Variants in BEGAIN observed in about 807,000 individuals in gnomAD.
The protein encoded by BEGAIN is brain enriched guanylate kinase associated.
A neutral mutation model predicts 35.8 loss-of-function variants in BEGAIN; 19 were observed. The ratio of observed to expected loss-of-function variants is 0.53; its 90% CI spans 0.37 to 0.78. The LOEUF (loss-of-function observed/expected upper bound fraction) is 0.78. Ranked by LOEUF, BEGAIN falls within the 30% of genes least tolerant of loss-of-function variation. The pLI, the probability that BEGAIN is intolerant of heterozygous loss-of-function variation, is 0.00. For synonymous variants in BEGAIN, 462 were observed against 388.6 expected (o/e 1.19, Z -2.22); for missense variants, 795 against 853.6 (o/e 0.93, Z 0.85).
In BEGAIN at chr14:100,538,073, C is replaced by T. The variant is rs1204797288; in HGVS notation, c.1735G>A (p.Ala579Thr). The T allele has an allele frequency of 1.3e-6, 2 of 1,592,258 alleles. No homozygotes were observed. Among genetic ancestry groups the T allele is most frequent in the African/African-American group, 1.3e-5 (1 of 74,188 alleles). ...AAGGCCTGCTGGGGGCTGAGGCGGGCGGCAGGATGCATTTCCGGGGAGGCC... is the reference window on the plus strand; with the variant it reads ...AAGGCCTGCTGGGGGCTGAGGCGGGTGGCAGGATGCATTTCCGGGGAGGCC... ...MEASPEMHPA[A>T]RLSPQQAFPR... Residue 579 changes from alanine (A) to threonine (T), a missense_variant, in exon 7 of 7, where the codon GCC (alanine) becomes ACC (threonine). Physicochemically the swap from Ala to Thr is moderately conservative, Grantham distance 58. Around this residue, in one of 3 missense-constraint regions of BEGAIN, gnomAD observed 664 missense variants for 647.7 expected, o/e 1.03. Coordinates refer to ENST00000554140, the MANE Select transcript of BEGAIN (RefSeq NM_001385089.1).
At chr14:100,560,216 C>G (rs757426038) in intron 2 of BEGAIN, among the ~76,000 whole-genome samples, 31 of 152,216 alleles carry the variant, frequency 2.0e-4, no homozygotes, top group Non-Finnish European at 4.0e-4. Flanking sequence ...GGGGCAGAAG[C>G]CCCAGCCAGC....
chr14:100,554,736 T>G (rs1438472884), intron 2 of BEGAIN, among the ~76,000 whole-genome samples: 1 of 152,104 alleles, frequency 6.6e-6, no homozygotes, highest in Admixed American at 6.5e-5. Flanking sequence ...TCCCCCCAGA[T>G]GGCTCATTTC....
rs550883000 is a variant in BEGAIN at position 100,567,204 on chromosome 14, C to A, written c.71+707G>T. Among the ~76,000 whole-genome samples the A allele has an allele frequency of 6.6e-6, 1 of 152,196 alleles. No individual in the cohort carries two copies. The highest frequency in any genetic ancestry group is 1.5e-5 in the Non-Finnish European group (1 of 68,018). On this transcript the variant is annotated intron_variant, in intron 2 of 6. Transcript: ENST00000554140. The surrounding 1 kb of genome is among the most constrained non-coding windows in gnomAD (Gnocchi z 5.1). The stretch of plus-strand genomic sequence containing the variant: ...GGAGGGGTGTTCCCAAAGTAGGGGT[C>A]AGGGTGCCAGGGGAAGTCGTGGAGG...
chr14:100,538,039 G>T lies in BEGAIN; in HGVS notation c.1769C>A (p.Thr590Asn). 1.2e-6 allele frequency: 2 copies of T among 1,608,466 alleles called. No individual in the cohort carries two copies. Among genetic ancestry groups the T allele is most frequent in the Non-Finnish European group, 8.5e-7 (1 of 1,178,406 alleles). ...RLSPQQAFPR[T>N]GGSGLSRKDS... ...CTTGCGGCTCAGCCCCGAGCCACCA[G>T]TCCGCGGAAAGGCCTGCTGGGGGCT... Residue 590 changes from threonine (T) to asparagine (N), a missense_variant, in exon 7 of 7, where the codon ACT becomes AAT. Thr to Asn is a moderately conservative substitution (Grantham distance 65, BLOSUM62 0). This residue lies in a region of BEGAIN where 664 missense variants were observed against 647.7 expected (regional missense o/e 1.03). Coordinates refer to ENST00000554140, the MANE Select transcript of BEGAIN (RefSeq NM_001385089.1).
intron 2 of BEGAIN, among the ~76,000 whole-genome samples, chr14:100,562,453 G>A (rs139772392): frequency 4.7e-4 from 71 of 152,146 alleles, no homozygotes; most frequent in African/African-American, 1.7e-3. Context: ...CCTCAAACCC[G>A]CTCCTCCCCC....
intron 5 of BEGAIN, among the ~76,000 whole-genome samples, chr14:100,542,379 C>T (rs2031757480): frequency 6.6e-6 from 1 of 152,258 alleles, no homozygotes; most frequent in Non-Finnish European, 1.5e-5. Flanking sequence ...CCCAGGCATC[C>T]TTGCTGGTCC....
At chr14:100,570,495 T>C (rs113100039) in intron 1 of BEGAIN, among the ~76,000 whole-genome samples, 5,977 of 151,868 alleles carry the variant, frequency 0.039, 389 homozygotes, top group African/African-American at 0.14. Context: ...GTATCCTCCA[T>C]GCGGCCCTCT....
Position 100,545,086 on chromosome 14 carries a change from G to A in BEGAIN, c.234-20C>T. 1 of 1,612,880 alleles carries A rather than the reference G, an allele frequency of 6.2e-7. No homozygotes were observed. The highest frequency in any genetic ancestry group is 8.5e-7 in the Non-Finnish European group (1 of 1,179,972). ...TGAATCCTGGTGCAGGAGGCAAGGG[G>A]GTCACTGCCATGCAAGGCCTGTCCC... On this transcript the variant is annotated intron_variant, in intron 3 of 6. Coordinates refer to ENST00000554140, the MANE Select transcript of BEGAIN (RefSeq NM_001385089.1).
At chr14:100,545,863 C>T (rs117247320) in intron 3 of BEGAIN, among the ~76,000 whole-genome samples, 1,784 of 152,192 alleles carry the variant, frequency 0.012, 26 homozygotes, top group Middle Eastern at 0.027. Flanking sequence ...CAACACCAGC[C>T]GATTCTCTAC....
intron 2 of BEGAIN, among the ~76,000 whole-genome samples, chr14:100,557,062 G>C (rs2033801342): frequency 7.9e-6 from 1 of 126,884 alleles, no homozygotes. Context: ...GGCTCTGCCG[G>C]CCTCTTCCAG....
intron 1 of BEGAIN, among the ~76,000 whole-genome samples, chr14:100,571,610 G>C (rs1226143565): frequency 6.6e-6 from 1 of 152,190 alleles, no homozygotes; most frequent in Non-Finnish European, 1.5e-5. Context: ...TGGCACCCGG[G>C]CACAGAGACT....
chr14:100,576,320 G>T (rs930392392), intron 1 of BEGAIN, among the ~76,000 whole-genome samples: 9 of 152,304 alleles, frequency 5.9e-5, no homozygotes, highest in African/African-American at 2.2e-4. Flanking sequence ...GGAGGGCAAA[G>T]TGCCTGGGCC....
intron 3 of BEGAIN, 115 bp downstream of exon 3, chr14:100,546,385 GC>G (rs1178424280): frequency 1.0e-4 from 2 of 19,912 alleles, no homozygotes; most frequent in African/African-American, 5.1e-4. Flanking sequence ...CCCGGCCCTC[GC>G]CCCGCCCCGG....
chr14:100,577,600 G>A (rs966031404), intron 1 of BEGAIN: 3 of 398,976 alleles, frequency 7.5e-6, no homozygotes, highest in African/African-American at 4.1e-5. Context: ...AACCCGCACA[G>A]TGACCTCATC....
At chr14:100,546,789 C>CACACAA in intron 2 of BEGAIN, 127 bp from the exon 3 acceptor site, 1 of 584,638 alleles carries the variant, frequency 1.7e-6, no homozygotes, top group Non-Finnish European at 2.6e-6. Context: ...CGCACACACA[C>CACACAA]ACACACACAC....
At chr14:100,561,145 G>T (rs1746907986) in intron 2 of BEGAIN, among the ~76,000 whole-genome samples, 1 of 152,176 alleles carries the variant, frequency 6.6e-6, no homozygotes, top group Non-Finnish European at 1.5e-5. Context: ...ACCATCGACG[G>T]CCCCTGGGGA....
Position 100,537,651 on chromosome 14 carries a change from C to T in BEGAIN, c.*318G>A, listed in dbSNP as rs1050000522. On this transcript the variant is annotated 3_prime_UTR_variant, in exon 7 of 7. Coordinates refer to ENST00000554140, the MANE Select transcript of BEGAIN (RefSeq NM_001385089.1). ...CGTCCAGGGAGCTGGAGGCCAAGTG[C>T]GTTAAGAAAGACCCTTTTTCTCTAT... 5 of 325,036 alleles carry T rather than the reference C, an allele frequency of 1.5e-5. No individual in the cohort carries two copies. The highest frequency in any genetic ancestry group is 1.1e-5 in the Non-Finnish European group (2 of 177,844). The allele number at this position is 325,036 out of a possible 1,614,324, so 20.1% of individuals were successfully genotyped here.
At position 100,546,598 on chromosome 14, in the gene BEGAIN, T is replaced by G. The variant is rs2032494688; in HGVS notation, c.136A>C (p.Lys46Gln). Residue 46 changes from lysine (K) to glutamine (Q), a missense_variant, in exon 3 of 7, where the codon AAG (lysine) becomes CAG (glutamine). By Grantham distance (53) the Lys-to-Gln change is moderately conservative. Coordinates refer to ENST00000554140, the MANE Select transcript of BEGAIN (RefSeq NM_001385089.1). Reference sequence around the variant, plus strand: ...GTGGAGTCGAACTCGGTCTCGAGCTTCTCGAGCTTGTGTGTGGTGTAGGAC... The same window carrying G: ...GTGGAGTCGAACTCGGTCTCGAGCTGCTCGAGCTTGTGTGTGGTGTAGGAC... ...RLSYTTHKLE[K>Q]LETEFDSTRH... is the part of the protein sequence containing the mutation. 6.3e-7 allele frequency: 1 copy of G among 1,592,544 alleles called. No individual in the cohort carries two copies. Among genetic ancestry groups the G allele is most frequent in the African/African-American group, 1.4e-5 (1 of 72,470 alleles).
intron 2 of BEGAIN, among the ~76,000 whole-genome samples, chr14:100,560,261 G>C (rs1164741638): frequency 6.6e-6 from 1 of 152,182 alleles, no homozygotes; most frequent in Non-Finnish European, 1.5e-5. Context: ...GATCATCCCG[G>C]CGGCCCTACC....
Sources: allele counts gnomAD v4.1 joint callset (sites outside exome capture counted in the v4.1 genomes callset), GRCh38; gene constraint gnomAD v4.1.1; regional missense constraint gnomAD v4.1.1; non-coding constraint Gnocchi (gnomAD v3.1); transcripts MANE v1.5; gene names NCBI Gene and HGNC (gene_info 2026-07-23, HGNC 2026-07-21).